STUM: variants seen among roughly 807,000 people sequenced by gnomAD.
STUM encodes the protein protein stum homolog.
A neutral mutation model predicts 15.3 loss-of-function variants in STUM; 8 were observed. That is an observed-to-expected ratio of 0.52 (90% confidence interval 0.31 to 0.94). The LOEUF (loss-of-function observed/expected upper bound fraction) is 0.94, where lower values mean the gene tolerates loss of function less well. STUM is among the 40% of genes least tolerant of loss of function. The pLI, the probability that STUM is intolerant of heterozygous loss-of-function variation, is 0.05. For synonymous variants in STUM, 78 were observed against 88.7 expected, an observed-to-expected ratio of 0.88 and a Z score of 0.68; for missense variants, 142 against 204.9, an observed-to-expected ratio of 0.69 and a Z score of 1.87.
chr1:226,570,445 G>T (rs1326231868), intron 1 of STUM, among the ~76,000 whole-genome samples: 5 of 152,208 alleles, frequency 3.3e-5, no homozygotes, highest in African/African-American at 1.2e-4. Context: ...CAGAGTAAGA[G>T]GGAAGAAGCT....
intron 1 of STUM, among the ~76,000 whole-genome samples, chr1:226,558,033 C>T (rs1275722845): frequency 6.6e-6 from 1 of 152,222 alleles, no homozygotes; most frequent in Non-Finnish European, 1.5e-5. Flanking sequence ...TAACGTTATA[C>T]TCAACGTGAA....
intron 1 of STUM, among the ~76,000 whole-genome samples, chr1:226,555,270 G>C (rs1667428879): frequency 6.6e-6 from 1 of 152,122 alleles, no homozygotes; most frequent in Non-Finnish European, 1.5e-5. Flanking sequence ...TTTTTATGAT[G>C]ATGACTCCCC....
rs1184187535 is a variant in STUM, at chr1:226,549,867, T to C, written c.202+761T>C. On this transcript the variant is annotated intron_variant, in intron 1 of 3. Coordinates refer to ENST00000366788, the MANE Select transcript of STUM (RefSeq NM_001003665.4). The surrounding 1 kb of genome is among the most constrained non-coding windows in gnomAD (Gnocchi z 6.8). ...AGCCGGCAGGGGTTCTGGTGGCATC[T>C]ATGTCCCACGTTTTAAAGCAGAGGC... Among the ~76,000 whole-genome samples, 2 of 152,202 alleles carry C rather than the reference T, an allele frequency of 1.3e-5. No individual in the cohort carries two copies. The highest frequency in any genetic ancestry group is 2.9e-5 in the Non-Finnish European group (2 of 68,022).
chr1:226,597,111 C>G lies in STUM; in HGVS notation c.382+130C>G. 4.5e-6 allele frequency: 4 copies of G among 895,102 alleles called. No homozygotes were observed. The South Asian group carries it at 5.5e-5, about 12-fold the overall frequency. The allele number at this position is 895,102 out of a possible 1,614,324, so 55.4% of individuals were successfully genotyped here. On this transcript the variant is annotated intron_variant, in intron 2 of 3. Transcript: ENST00000366788. Reference sequence around the variant, plus strand: ...GCACGGGCTCTGGAGAGGGCTTGCCCGTGTCCTCTTCACAACTCCCTGGGC... The same window carrying G: ...GCACGGGCTCTGGAGAGGGCTTGCCGGTGTCCTCTTCACAACTCCCTGGGC...
chr1:226,577,348 G>C (rs1477426360), intron 1 of STUM, among the ~76,000 whole-genome samples: 1 of 150,284 alleles, frequency 6.7e-6, no homozygotes, highest in African/African-American at 2.5e-5. Context: ...AGCAAACCCG[G>C]TTAAAAAAAA....
At chr1:226,594,795 C>T (rs1001143530) in intron 1 of STUM, among the ~76,000 whole-genome samples, 2 of 152,186 alleles carry the variant, frequency 1.3e-5, no homozygotes, top group Non-Finnish European at 2.9e-5. Flanking sequence ...GCTGGGATTA[C>T]AGGCGCCCGC....
At chr1:226,562,958 A>G (rs769996776) in intron 1 of STUM, among the ~76,000 whole-genome samples, 1 of 152,212 alleles carries the variant, frequency 6.6e-6, no homozygotes, top group Non-Finnish European at 1.5e-5. Context: ...ATTGAAATAT[A>G]AAGAAATAAA....
chr1:226,590,131 C>T (rs1668063385), intron 1 of STUM, among the ~76,000 whole-genome samples: 1 of 152,048 alleles, frequency 6.6e-6, no homozygotes, highest in Non-Finnish European at 1.5e-5. Flanking sequence ...CCTTCATGTC[C>T]ACTTATCCCC....
At chr1:226,577,741 G>T (rs1045708104) in intron 1 of STUM, among the ~76,000 whole-genome samples, 1 of 152,170 alleles carries the variant, frequency 6.6e-6, no homozygotes, top group Non-Finnish European at 1.5e-5. Context: ...GCTTTTGGAG[G>T]CTTTAGTCAG....
intron 1 of STUM, among the ~76,000 whole-genome samples, chr1:226,558,147 A>G (rs1222492409): frequency 6.6e-6 from 1 of 152,250 alleles, no homozygotes; most frequent in African/African-American, 2.4e-5. Context: ...ATTGGGCAAG[A>G]GAAGGAAAGA....
chr1:226,584,459 T>C (rs1667968691), intron 1 of STUM, among the ~76,000 whole-genome samples: 1 of 152,218 alleles, frequency 6.6e-6, no homozygotes, highest in Non-Finnish European at 1.5e-5. Flanking sequence ...GCCCATCTCT[T>C]GATGAAAGAG....
chr1:226,596,958 G>A lies in STUM; in HGVS notation c.359G>A (p.Gly120Asp). ...MVGWIMSIFWGMDMVILAISQ... is the reference protein window; with the variant it reads ...MVGWIMSIFWDMDMVILAISQ... ...GGCTGGATCATGAGCATCTTCTGGG[G>A]CATGGACATGGTCATCCTTGCCAGT... The change falls in exon 2 of 4, where the codon GGC (glycine) becomes GAC (aspartate). Residue 120 changes from glycine to aspartate, a missense_variant. Gly to Asp is a moderately conservative substitution (Grantham distance 94, BLOSUM62 -1). Coordinates refer to ENST00000366788, the MANE Select transcript of STUM (RefSeq NM_001003665.4). 1 of 1,614,238 alleles carries A rather than the reference G, an allele frequency of 6.2e-7. No homozygotes were observed. Among genetic ancestry groups the A allele is most frequent in the Non-Finnish European group, 8.5e-7 (1 of 1,180,030 alleles).
At chr1:226,584,008 GA>G (rs956797573) in intron 1 of STUM, among the ~76,000 whole-genome samples, 48 of 147,968 alleles carry the variant, frequency 3.2e-4, no homozygotes, top group African/African-American at 8.9e-4. Flanking sequence ...TTAGTGGTGC[GA>G]AAAAAAAAAC....
intron 1 of STUM, among the ~76,000 whole-genome samples, chr1:226,587,711 G>T (rs1036213517): frequency 2.0e-5 from 3 of 152,182 alleles, no homozygotes; most frequent in African/African-American, 7.2e-5. Context: ...AGTGGTTCAA[G>T]ATGCCATACA....
At position 226,596,997 on chromosome 1, in the gene STUM, T is replaced by C; in HGVS notation, c.382+16T>C. 1.2e-6 allele frequency: 2 copies of C among 1,613,370 alleles called. No homozygotes were observed. Among genetic ancestry groups the C allele is most frequent in the South Asian group, 2.2e-5 (2 of 91,062 alleles). On this transcript the variant is annotated intron_variant, in intron 2 of 3. Coordinates refer to ENST00000366788, the MANE Select transcript of STUM (RefSeq NM_001003665.4). ...ATCCTTGCCAGTGAGTAGCTGTTGG[T>C]GCTGCGCCTCCTGGGGGTGGGGAGT...
intron 1 of STUM, among the ~76,000 whole-genome samples, chr1:226,553,846 A>G (rs1426712972): frequency 6.6e-6 from 1 of 152,268 alleles, no homozygotes; most frequent in Non-Finnish European, 1.5e-5. Flanking sequence ...AGACTACTTA[A>G]GAATAGCTAT....
At chr1:226,596,710 G>A (rs1668185509) in intron 1 of STUM, 92 bp from the exon 2 acceptor site, 1 of 1,158,874 alleles carries the variant, frequency 8.6e-7, no homozygotes. Context: ...GTTCTTGGAG[G>A]GTGGACAGCT....
At position 226,552,017 on chromosome 1, in the gene STUM, A is replaced by G. The variant is rs1244919990; in HGVS notation, c.202+2911A>G. Among the ~76,000 whole-genome samples the G allele has an allele frequency of 1.3e-5, 2 of 152,174 alleles. No homozygotes were observed. Among genetic ancestry groups the G allele is most frequent in the African/African-American group, 4.8e-5 (2 of 41,420 alleles). On this transcript the variant is annotated intron_variant, in intron 1 of 3. Transcript: ENST00000366788. The surrounding 1 kb of genome is among the most constrained non-coding windows in gnomAD (Gnocchi z 4.7). ...TTTTCTGGAAACTTCCTTCCCTGCA[A>G]GTCCTCTCCTGGATTGCAGATTGGA...
At chr1:226,573,569 C>T (rs1336103168) in intron 1 of STUM, among the ~76,000 whole-genome samples, 1 of 152,174 alleles carries the variant, frequency 6.6e-6, no homozygotes, top group Non-Finnish European at 1.5e-5. Flanking sequence ...ACTCTTTTTA[C>T]ATGGTGACTC....
Sources: allele counts gnomAD v4.1 joint callset (sites outside exome capture counted in the v4.1 genomes callset), GRCh38; gene constraint gnomAD v4.1.1; non-coding constraint Gnocchi (gnomAD v3.1); transcripts MANE v1.5; gene names NCBI Gene and HGNC (gene_info 2026-07-23, HGNC 2026-07-21).